Variants in FAF1 observed in about 807,000 individuals in gnomAD.
FAF1 encodes FAS-associated factor 1.
Under a neutral mutation model 92.5 loss-of-function variants are expected in FAF1, and 25 were observed. The ratio of observed to expected loss-of-function variants is 0.27; its 90% CI spans 0.20 to 0.38. The LOEUF is 0.38. Among genes scored for constraint, FAF1 ranks in the 10% least tolerant of loss-of-function variants. FAF1 has a pLI of 1.00. For synonymous variants in FAF1, 234 were observed against 273.2 expected (o/e 0.86, Z 1.42); for missense variants, 636 against 793.3 (o/e 0.80, Z 2.38).
intron 8 of FAF1, among the ~76,000 whole-genome samples, chr1:50,652,871 G>A (rs189374092): frequency 2.5e-4 from 38 of 152,208 alleles, no homozygotes; most frequent in African/African-American, 7.9e-4. Flanking sequence ...CTCATTTACT[G>A]AGTGTCTACT....
chr1:50,733,086 T>C (rs1428300851), intron 6 of FAF1, among the ~76,000 whole-genome samples: 3 of 152,178 alleles, frequency 2.0e-5, no homozygotes, highest in African/African-American at 7.2e-5. Context: ...TAATCGTATC[T>C]ACTTGTGATT....
chr1:50,721,018 A>C (rs1343629714), intron 6 of FAF1, among the ~76,000 whole-genome samples: 1 of 152,154 alleles, frequency 6.6e-6, no homozygotes, highest in Non-Finnish European at 1.5e-5. Context: ...TACATATATA[A>C]TTAAGTATGT....
chr1:50,640,828 GATTTTT>G (rs1170914720), intron 8 of FAF1, among the ~76,000 whole-genome samples: 1 of 63,812 alleles, frequency 1.6e-5, no homozygotes, highest in Non-Finnish European at 3.0e-5. Context: ...TTTATCAGCT[GATTTTT>G]TTTTTTTTTT....
intron 7 of FAF1, among the ~76,000 whole-genome samples, chr1:50,677,050 T>C (rs1387571108): frequency 6.6e-6 from 1 of 152,196 alleles, no homozygotes; most frequent in East Asian, 1.9e-4. Flanking sequence ...CATTGCTATA[T>C]GCACATTAGT....
chr1:50,850,666 G>A (rs1324965775), intron 2 of FAF1, among the ~76,000 whole-genome samples: 1 of 151,970 alleles, frequency 6.6e-6, no homozygotes, highest in African/African-American at 2.4e-5. Context: ...ATAAAAAAAT[G>A]AGTACCTGGC....
chr1:50,945,932 A>G (rs1203020463), intron 1 of FAF1, among the ~76,000 whole-genome samples: 1 of 152,240 alleles, frequency 6.6e-6, no homozygotes, highest in Non-Finnish European at 1.5e-5. Context: ...GAAGTCAAGC[A>G]GACACAGTAA....
intron 5 of FAF1, among the ~76,000 whole-genome samples, chr1:50,739,345 T>C (rs1440930207): frequency 3.3e-5 from 5 of 152,138 alleles, no homozygotes; most frequent in Non-Finnish European, 5.9e-5. Context: ...CGTACATGCA[T>C]ATACATGTGT....
chr1:50,577,537 AAAGAG>A (rs577600949), intron 12 of FAF1, among the ~76,000 whole-genome samples: 4 of 152,204 alleles, frequency 2.6e-5, no homozygotes, highest in South Asian at 2.1e-4. Context: ...AAAGAAAAGA[AAAGAG>A]AAGAGAAGAG....
At chr1:50,443,351 G>A (rs753510994) in intron 18 of FAF1, among the ~76,000 whole-genome samples, 2 of 152,160 alleles carry the variant, frequency 1.3e-5, no homozygotes, top group Non-Finnish European at 2.9e-5. Flanking sequence ...CTGCATCCAA[G>A]AAAAGTGGCT....
At chr1:50,885,324 A>ACACACACACACACACACACACACC (rs1644651416) in intron 1 of FAF1, among the ~76,000 whole-genome samples, 9 of 102,210 alleles carry the variant, frequency 8.8e-5, no homozygotes, top group Non-Finnish European at 1.5e-4. Flanking sequence ...ACACACACAC[A>ACACACACACACACACACACACACC]CTCTCTCTCT....
At chr1:50,659,440 G>A (rs574235408) in intron 7 of FAF1, among the ~76,000 whole-genome samples, 7 of 152,162 alleles carry the variant, frequency 4.6e-5, no homozygotes, top group South Asian at 4.1e-4. Context: ...AAGAACACAC[G>A]CACAGGCTGG....
At chr1:50,823,666 T>TAA (rs879801268) in intron 2 of FAF1, among the ~76,000 whole-genome samples, 1 of 137,698 alleles carries the variant, frequency 7.3e-6, no homozygotes, top group Admixed American at 7.2e-5. Flanking sequence ...TTGAAAACAA[T>TAA]AAAAAAAAAA....
intron 4 of FAF1, among the ~76,000 whole-genome samples, chr1:50,780,003 C>T (rs1412563645): frequency 6.6e-6 from 1 of 151,814 alleles, no homozygotes; most frequent in African/African-American, 2.4e-5. Context: ...CACACACACA[C>T]ACACACACAC....
chr1:50,489,418 A>G (rs780474623), intron 17 of FAF1, among the ~76,000 whole-genome samples: 1 of 152,204 alleles, frequency 6.6e-6, no homozygotes, highest in African/African-American at 2.4e-5. Context: ...CTTGCCATTA[A>G]TCCTACATCT....
At chr1:50,444,613 GTTCT>G (rs1189927020) in intron 18 of FAF1, among the ~76,000 whole-genome samples, 1 of 152,148 alleles carries the variant, frequency 6.6e-6, no homozygotes, top group Non-Finnish European at 1.5e-5. Flanking sequence ...TCCTCTCTCT[GTTCT>G]TTATTTTCTT....
At chr1:50,905,188 C>T (rs975043089) in intron 1 of FAF1, among the ~76,000 whole-genome samples, 11 of 152,210 alleles carry the variant, frequency 7.2e-5, no homozygotes, top group Non-Finnish European at 1.5e-4. Flanking sequence ...TTTCCACCTT[C>T]ATCCGTGTCC....
chr1:50,809,048 C>CA (rs1257180562), intron 2 of FAF1, among the ~76,000 whole-genome samples: 1 of 152,078 alleles, frequency 6.6e-6, no homozygotes, highest in Non-Finnish European at 1.5e-5. Flanking sequence ...TAGGAGACTT[C>CA]AACACTCTAC....
chr1:50,843,924 G>A (rs1424120865), intron 2 of FAF1, among the ~76,000 whole-genome samples: 2 of 152,072 alleles, frequency 1.3e-5, no homozygotes, highest in Non-Finnish European at 2.9e-5. Flanking sequence ...TGGGTATATG[G>A]CAGCTCTTTT....
intron 7 of FAF1, among the ~76,000 whole-genome samples, chr1:50,675,020 A>G (rs1189564848): frequency 6.6e-6 from 1 of 152,102 alleles, no homozygotes; most frequent in East Asian, 1.9e-4. Context: ...CCTCCCAAGT[A>G]GCAGGGATTA....
Sources: gnomAD v4.1 joint callset for allele counts (sites outside exome capture counted in the v4.1 genomes callset) on GRCh38, gnomAD v4.1.1 for gene constraint, MANE v1.5 for transcripts, NCBI Gene and HGNC (gene_info 2026-07-23, HGNC 2026-07-21) for gene names.